IFT57: variants seen among roughly 807,000 people sequenced by gnomAD.
IFT57 encodes intraflagellar transport 57.
IFT57 carries 59 observed loss-of-function variants against 56.8 expected under a neutral mutation model. The ratio of observed to expected loss-of-function variants is 1.04; its 90% CI spans 0.84 to 1.29. The LOEUF (loss-of-function observed/expected upper bound fraction) is 1.29, where lower values mean the gene tolerates loss of function less well. Among genes scored for constraint, IFT57 ranks in the 50% most tolerant of loss-of-function variants. The pLI is 0.00. For missense variants in IFT57, 470 were observed against 522.1 expected, an observed-to-expected ratio of 0.90 and a Z score of 0.97; for synonymous variants, 209 against 186.1, an observed-to-expected ratio of 1.12 and a Z score of -1.00.
chr3:108,222,035 G>A (rs2080408886), intron 1 of IFT57, 76 bp downstream of exon 1: 3 of 1,538,688 alleles, frequency 1.9e-6, no homozygotes, highest in South Asian at 1.2e-5. Flanking sequence ...CACGAAACTG[G>A]TTCCCAGCAG....
At chr3:108,198,064 T>C (rs1169429986) in intron 5 of IFT57, among the ~76,000 whole-genome samples, 1 of 152,124 alleles carries the variant, frequency 6.6e-6, no homozygotes, top group South Asian at 2.1e-4. Context: ...TGCCCAATAA[T>C]AACACCATGA....
chr3:108,204,649 T>C (rs1412928279), intron 5 of IFT57, among the ~76,000 whole-genome samples: 1 of 152,206 alleles, frequency 6.6e-6, no homozygotes, highest in Admixed American at 6.5e-5. Flanking sequence ...TCGGTCATCA[T>C]CATCTCCAAC....
At chr3:108,175,870 G>A (rs2080121354) in intron 6 of IFT57, among the ~76,000 whole-genome samples, 1 of 151,428 alleles carries the variant, frequency 6.6e-6, no homozygotes, top group Non-Finnish European at 1.5e-5. Context: ...ATAGAAAAAA[G>A]CCATGGAAGT....
At chr3:108,182,859 T>C (rs2108314431) in intron 6 of IFT57, among the ~76,000 whole-genome samples, 1 of 152,278 alleles carries the variant, frequency 6.6e-6, no homozygotes, top group East Asian at 1.9e-4. Context: ...AGGGGATACC[T>C]ACCCAACTAT....
intron 6 of IFT57, among the ~76,000 whole-genome samples, chr3:108,190,762 A>G (rs1368901461): frequency 6.6e-6 from 1 of 152,164 alleles, no homozygotes; most frequent in Non-Finnish European, 1.5e-5. Context: ...CCTAAATCTT[A>G]TTAAATATGA....
At chr3:108,191,742 G>A in intron 5 of IFT57, 99 bp from the exon 6 acceptor site, 1 of 639,136 alleles carries the variant, frequency 1.6e-6, no homozygotes, top group Non-Finnish European at 2.4e-6. Context: ...ATCAAGAATT[G>A]GTAGTGTTAA....
chr3:108,221,732 G>A (rs1020760004), intron 1 of IFT57, among the ~76,000 whole-genome samples: 26 of 151,778 alleles, frequency 1.7e-4, no homozygotes, highest in African/African-American at 6.1e-4. Context: ...AATTTTGGAC[G>A]GTCTTATAAT....
chr3:108,201,213 G>C (rs1210200142), intron 5 of IFT57, among the ~76,000 whole-genome samples: 1 of 152,172 alleles, frequency 6.6e-6, no homozygotes. Context: ...TATGGACTCA[G>C]ATCTGGAAGG....
At chr3:108,201,203 T>C (rs1370442381) in intron 5 of IFT57, among the ~76,000 whole-genome samples, 3 of 152,160 alleles carry the variant, frequency 2.0e-5, no homozygotes, top group Non-Finnish European at 4.4e-5. Flanking sequence ...ACCTTGAAGG[T>C]ATGGACTCAG....
chr3:108,195,012 A>C (rs1379643172), intron 5 of IFT57, among the ~76,000 whole-genome samples: 1 of 152,182 alleles, frequency 6.6e-6, no homozygotes, highest in African/African-American at 2.4e-5. Context: ...AAAAGGAAGC[A>C]ATCAACAAAA....
chr3:108,168,657 C>T (rs970253430), intron 6 of IFT57, among the ~76,000 whole-genome samples: 2 of 151,912 alleles, frequency 1.3e-5, no homozygotes, highest in African/African-American at 2.4e-5. Flanking sequence ...CCCCCATCCC[C>T]CAACAGGCCT....
chr3:108,193,252 C>T (rs1182330797), intron 5 of IFT57, among the ~76,000 whole-genome samples: 2 of 152,118 alleles, frequency 1.3e-5, no homozygotes, highest in Non-Finnish European at 2.9e-5. Flanking sequence ...AGACTGAGGT[C>T]ATTAGAGGCT....
At chr3:108,177,036 C>T (rs1007817814) in intron 6 of IFT57, among the ~76,000 whole-genome samples, 1 of 151,662 alleles carries the variant, frequency 6.6e-6, no homozygotes, top group Non-Finnish European at 1.5e-5. Flanking sequence ...TTGCAATGAC[C>T]ACTATATTAT....
Position 108,222,398 on chromosome 3 carries a change from C to A in IFT57, c.-76G>T. The A allele has an allele frequency of 1.5e-6, 2 of 1,371,838 alleles. No individual in the cohort carries two copies. Among genetic ancestry groups the A allele is most frequent in the Non-Finnish European group, 2.0e-6 (2 of 1,021,690 alleles). The allele number at this position is 1,371,838 out of a possible 1,614,324, so 85.0% of individuals were successfully genotyped here. On this transcript the variant is annotated 5_prime_UTR_variant, in exon 1 of 11. Coordinates refer to ENST00000264538, the MANE Select transcript of IFT57 (RefSeq NM_018010.4). The stretch of plus-strand genomic sequence containing the variant: ...CCTAAGCCGCCAGCCCTGCCGCCGC[C>A]AGTACAGCCACGACCGGTTACCAGG...
chr3:108,171,739 A>T (rs577607620), intron 6 of IFT57, among the ~76,000 whole-genome samples: 3 of 151,814 alleles, frequency 2.0e-5, no homozygotes, highest in Non-Finnish European at 4.4e-5. Flanking sequence ...TTGGAGCCCA[A>T]GTTAGCATCT....
chr3:108,162,499 T>C lies in IFT57; in HGVS notation c.1268A>G (p.Glu423Gly). ...GTTTTAATAAAAGCCTGTTGCTGGT[T>C]CTGGAATAACTGTGGCATGCATGTT... ...TRNMHATVIP[E>G]PATGFY Residue 423 changes from glutamate to glycine, a missense_variant, in exon 11 of 11, where the codon GAA (glutamate) becomes GGA (glycine). Coordinates refer to ENST00000264538, the MANE Select transcript of IFT57 (RefSeq NM_018010.4). The C allele has an allele frequency of 1.2e-6, 2 of 1,604,778 alleles. No individual in the cohort carries two copies. The highest frequency in any genetic ancestry group is 1.7e-6 in the Non-Finnish European group (2 of 1,175,246).
chr3:108,182,901 T>C lies in IFT57; in HGVS notation c.777+8620A>G, dbSNP rs567964466. Among the ~76,000 whole-genome samples the C allele has an allele frequency of 1.0e-3, 153 of 152,260 alleles. 2 individuals are homozygous for C. The highest frequency in any genetic ancestry group is 3.5e-3 in the African/African-American group (145 of 41,564). ...AAACAACAAAGTAAGAAACATTTAA[T>C]TATAATTTGGAAAAAATCTACTTAA... is the stretch of plus-strand genomic sequence containing the variant. On this transcript the variant is annotated intron_variant, in intron 6 of 10. Coordinates refer to ENST00000264538, the MANE Select transcript of IFT57 (RefSeq NM_018010.4).
rs762038629 is a variant in IFT57, at chr3:108,206,650, A to G, written c.632T>C (p.Leu211Ser). 29 of 1,400,254 alleles carry G rather than the reference A, an allele frequency of 2.1e-5. No homozygotes were observed. The highest frequency in any genetic ancestry group is 2.7e-5 in the Non-Finnish European group (28 of 1,053,446). The allele number at this position is 1,400,254 out of a possible 1,614,324, so 86.7% of individuals were successfully genotyped here. A position where few individuals can be genotyped will look rare whatever the true frequency, so the allele number is the denominator to read the frequency against. ...TACCAAGTGATATGTCTGGGCCTTT[A>G]AAACGTTGAGATCAATAAAGTTTTC... ...NEENFIDLNV[L>S]KAQTYHLDMN... is the part of the protein sequence containing the mutation. The change falls in exon 5 of 11, where the codon TTA (leucine) becomes TCA (serine). Residue 211 changes from leucine to serine, a missense_variant. By Grantham distance (145) the Leu-to-Ser change is moderately radical. Coordinates refer to ENST00000264538, the MANE Select transcript of IFT57 (RefSeq NM_018010.4).
chr3:108,213,734 C>T, intron 4 of IFT57, 197 bp downstream of exon 4: 1 of 484,380 alleles, frequency 2.1e-6, no homozygotes. Flanking sequence ...AAAATTCAGA[C>T]CTCAATCATT....
Sources: gnomAD v4.1 joint callset for allele counts (sites outside exome capture counted in the v4.1 genomes callset) on GRCh38, gnomAD v4.1.1 for gene constraint, MANE v1.5 for transcripts, NCBI Gene and HGNC (gene_info 2026-07-23, HGNC 2026-07-21) for gene names.